The following TRDN variants were observed in gnomAD, a reference collection of about 807,000 sequenced individuals.
The protein encoded by TRDN is triadin.
Under a neutral mutation model 149.7 loss-of-function variants are expected in TRDN, and 161 were observed. That is an observed-to-expected ratio of 1.08 (90% confidence interval 0.95 to 1.23). The LOEUF is 1.23. TRDN is among the 50% of genes most tolerant of loss of function. The pLI is 0.00. For missense variants in TRDN, 896 were observed against 823.5 expected, an observed-to-expected ratio of 1.09 and a Z score of -1.08; for synonymous variants, 294 against 250.5, an observed-to-expected ratio of 1.17 and a Z score of -1.64.
intron 1 of TRDN, among the ~76,000 whole-genome samples, chr6:123,608,772 A>G (rs1249346953): frequency 6.6e-6 from 1 of 152,192 alleles, no homozygotes; most frequent in Admixed American, 6.5e-5. Context: ...CATTATGTCA[A>G]ATGCTTAAAA....
At chr6:123,604,489 C>T (rs1009541218) in intron 1 of TRDN, among the ~76,000 whole-genome samples, 4 of 152,236 alleles carry the variant, frequency 2.6e-5, no homozygotes, top group Admixed American at 2.0e-4. Context: ...CACAGCAAGC[C>T]AGAGCTAAAT....
At chr6:123,615,553 C>T (rs1785041409) in intron 1 of TRDN, among the ~76,000 whole-genome samples, 1 of 143,528 alleles carries the variant, frequency 7.0e-6, no homozygotes, top group South Asian at 2.1e-4. Flanking sequence ...CACACACACA[C>T]ACACACAATG....
At chr6:123,626,274 G>A (rs1785658940) in intron 1 of TRDN, among the ~76,000 whole-genome samples, 1 of 152,022 alleles carries the variant, frequency 6.6e-6, no homozygotes, top group African/African-American at 2.4e-5. Flanking sequence ...TTGAGACCAG[G>A]AGTTCAAGAC....
chr6:123,506,374 T>C (rs2114841012), intron 7 of TRDN, among the ~76,000 whole-genome samples: 1 of 152,340 alleles, frequency 6.6e-6, no homozygotes, highest in South Asian at 2.1e-4. Flanking sequence ...GCTTTCTTTC[T>C]TTTGAATATT....
chr6:123,411,958 T>A (rs1238307707), intron 12 of TRDN: 1 of 152,146 alleles, frequency 6.6e-6, no homozygotes, highest in Non-Finnish European at 1.5e-5. Context: ...TTAAAGAGTA[T>A]AGGTATATTA....
chr6:123,392,300 A>G (rs1772519602), intron 13 of TRDN, among the ~76,000 whole-genome samples: 1 of 152,072 alleles, frequency 6.6e-6, no homozygotes, highest in Non-Finnish European at 1.5e-5. Flanking sequence ...ATTTTCAGAT[A>G]TCTCTTCATT....
chr6:123,304,978 T>C (rs1778556173), intron 24 of TRDN, among the ~76,000 whole-genome samples: 1 of 152,200 alleles, frequency 6.6e-6, no homozygotes, highest in African/African-American at 2.4e-5. Context: ...TCTTCTTATT[T>C]AATTTCTCCA....
At chr6:123,303,352 C>G (rs1486501304) in intron 24 of TRDN, among the ~76,000 whole-genome samples, 1 of 152,034 alleles carries the variant, frequency 6.6e-6, no homozygotes, top group Non-Finnish European at 1.5e-5. Flanking sequence ...GCTATAGTGG[C>G]TTTTGAAATA....
intron 24 of TRDN, among the ~76,000 whole-genome samples, chr6:123,311,344 C>T (rs561138296): frequency 1.3e-5 from 2 of 152,086 alleles, no homozygotes; most frequent in Non-Finnish European, 2.9e-5. Flanking sequence ...GTCCATCCCT[C>T]AACACATGAG....
In TRDN at chr6:123,551,907, T is replaced by C. The variant is rs541083101; in HGVS notation, c.233-3295A>G. Among the ~76,000 whole-genome samples, 88 of 152,170 alleles carry C rather than the reference T, an allele frequency of 5.8e-4. 1 individual carries two copies. The highest frequency in any genetic ancestry group is 2.1e-3 in the African/African-American group (86 of 41,534). ...ATTTTAGAAGGGGTTTTCTTGCTCT[T>C]AAAAGGAAGAACAAAGACTTTACTG... On this transcript the variant is annotated intron_variant, in intron 2 of 40. Coordinates refer to ENST00000334268, the MANE Select transcript of TRDN (RefSeq NM_006073.4).
intron 38 of TRDN, among the ~76,000 whole-genome samples, chr6:123,250,576 G>A (rs1375560511): frequency 6.6e-6 from 1 of 151,920 alleles, no homozygotes; most frequent in Non-Finnish European, 1.5e-5. Context: ...GAGGAAATAA[G>A]CTTCATATAC....
intron 20 of TRDN, among the ~76,000 whole-genome samples, chr6:123,360,820 C>A (rs1392051880): frequency 6.6e-6 from 1 of 151,786 alleles, no homozygotes; most frequent in African/African-American, 2.4e-5. Context: ...AGATGAGGAA[C>A]AATGCCAGTA....
At chr6:123,567,622 C>T (rs1323579709) in intron 2 of TRDN, among the ~76,000 whole-genome samples, 1 of 150,452 alleles carries the variant, frequency 6.6e-6, no homozygotes, top group African/African-American at 2.5e-5. Context: ...AGAGGAGGAG[C>T]AAGAGAGAGA....
At chr6:123,555,801 A>C (rs761931928) in intron 2 of TRDN, among the ~76,000 whole-genome samples, 2 of 152,188 alleles carry the variant, frequency 1.3e-5, no homozygotes, top group South Asian at 4.1e-4. Context: ...ACTAACTGAT[A>C]GCAATTTGAG....
chr6:123,379,242 A>C (rs1781623767), intron 16 of TRDN, among the ~76,000 whole-genome samples: 2 of 152,206 alleles, frequency 1.3e-5, no homozygotes, highest in East Asian at 3.9e-4. Context: ...TCCCAAGTAT[A>C]CAATTTTGTT....
At chr6:123,615,537 TACACACACAC>T (rs59953395) in intron 1 of TRDN, among the ~76,000 whole-genome samples, 4 of 149,008 alleles carry the variant, frequency 2.7e-5, no homozygotes, top group Admixed American at 6.7e-5. Flanking sequence ...AACATGTATA[TACACACACAC>T]ACACACACAC....
At chr6:123,377,490 C>T (rs564542109) in intron 18 of TRDN, among the ~76,000 whole-genome samples, 1 of 152,274 alleles carries the variant, frequency 6.6e-6, no homozygotes, top group South Asian at 2.1e-4. Flanking sequence ...GATTCTGATG[C>T]TGCTAGTTCA....
At chr6:123,584,742 G>T (rs1287011537) in intron 1 of TRDN, among the ~76,000 whole-genome samples, 3 of 152,276 alleles carry the variant, frequency 2.0e-5, no homozygotes, top group Middle Eastern at 3.4e-3. Flanking sequence ...AGGCTGGGAT[G>T]AAGGGTGGAA....
At chr6:123,538,107 T>G (rs2114382073) in intron 4 of TRDN, among the ~76,000 whole-genome samples, 1 of 152,334 alleles carries the variant, frequency 6.6e-6, no homozygotes, top group Admixed American at 6.5e-5. Flanking sequence ...GACAATTCTC[T>G]TTATTAAATT....
Sources: allele counts gnomAD v4.1 joint callset (sites outside exome capture counted in the v4.1 genomes callset), GRCh38; gene constraint gnomAD v4.1.1; transcripts MANE v1.5; gene names NCBI Gene and HGNC (gene_info 2026-07-23, HGNC 2026-07-21).